The following CCDC178 variants were observed in gnomAD, a reference collection of about 807,000 sequenced individuals.
CCDC178 encodes coiled-coil domain-containing protein 178.
In CCDC178, 126 loss-of-function variants were observed where a neutral mutation model predicts 117.4. The ratio of observed to expected loss-of-function variants is 1.07; its 90% CI spans 0.93 to 1.24. The LOEUF is 1.24. Ranked by LOEUF, CCDC178 falls within the 50% of genes most tolerant of loss-of-function variation. The pLI, the probability that CCDC178 is intolerant of heterozygous loss-of-function variation, is 0.00. For missense variants in CCDC178, 1,030 were observed against 986.9 expected (o/e 1.04, Z -0.59); for synonymous variants, 283 against 313.4 (o/e 0.90, Z 1.02).
intron 14 of CCDC178, among the ~76,000 whole-genome samples, chr18:33,245,946 T>A (rs1438355761): frequency 6.6e-6 from 1 of 151,846 alleles, no homozygotes; most frequent in Non-Finnish European, 1.5e-5. Context: ...AGCAGCACTG[T>A]CTCAGTTGTA....
At chr18:33,063,652 T>C (rs2056967036) in intron 21 of CCDC178, among the ~76,000 whole-genome samples, 1 of 152,126 alleles carries the variant, frequency 6.6e-6, no homozygotes, top group South Asian at 2.1e-4. Flanking sequence ...ACCTCCCACC[T>C]TCTTGACCCT....
At chr18:33,056,868 A>C (rs2056838984) in intron 21 of CCDC178, among the ~76,000 whole-genome samples, 2 of 152,082 alleles carry the variant, frequency 1.3e-5, no homozygotes. Context: ...AGTTTTGCCA[A>C]AAGAGGGTCT....
At chr18:33,286,871 A>T (rs2060104513) in intron 12 of CCDC178, among the ~76,000 whole-genome samples, 1 of 152,198 alleles carries the variant, frequency 6.6e-6, no homozygotes, top group Non-Finnish European at 1.5e-5. Flanking sequence ...AGAAACTAAA[A>T]ATTGCACATC....
At chr18:33,256,804 A>T (rs2059685784) in intron 14 of CCDC178, among the ~76,000 whole-genome samples, 1 of 151,992 alleles carries the variant, frequency 6.6e-6, no homozygotes, top group Non-Finnish European at 1.5e-5. Flanking sequence ...TCTACTATTC[A>T]ATTAATAGAA....
intron 14 of CCDC178, among the ~76,000 whole-genome samples, chr18:33,265,688 G>A (rs1298066464): frequency 6.6e-6 from 1 of 151,980 alleles, no homozygotes; most frequent in Non-Finnish European, 1.5e-5. Context: ...TGCAGGATAT[G>A]TGGTGGGGGG....
At chr18:33,027,030 G>A (rs996118434) in intron 21 of CCDC178, among the ~76,000 whole-genome samples, 1 of 151,810 alleles carries the variant, frequency 6.6e-6, no homozygotes, top group Non-Finnish European at 1.5e-5. Flanking sequence ...AAGGATAACA[G>A]AATCTTGGGG....
intron 5 of CCDC178, among the ~76,000 whole-genome samples, chr18:33,373,734 A>C (rs988192594): frequency 1.3e-5 from 2 of 152,166 alleles, no homozygotes; most frequent in African/African-American, 4.8e-5. Flanking sequence ...GAACAATATT[A>C]AGTGCCTTAA....
intron 20 of CCDC178, among the ~76,000 whole-genome samples, chr18:33,104,396 T>C (rs1373887365): frequency 1.3e-5 from 2 of 151,944 alleles, no homozygotes; most frequent in South Asian, 2.1e-4. Context: ...TGTTTCTCTC[T>C]ATGCCTTCTT....
At chr18:33,310,193 T>C (rs934642776) in intron 11 of CCDC178, among the ~76,000 whole-genome samples, 1 of 152,136 alleles carries the variant, frequency 6.6e-6, no homozygotes, top group Admixed American at 6.5e-5. Flanking sequence ...TCTCCTGACC[T>C]CATGATCCAC....
rs189131170 is a variant in CCDC178, at chr18:33,038,335, G to T, written c.2388+54426C>A. ...AAGCTTGGAGTTAGACTACAAAGCAGATATTATGTCATAAATATTTAAGAC... is the reference window on the plus strand; with the variant it reads ...AAGCTTGGAGTTAGACTACAAAGCATATATTATGTCATAAATATTTAAGAC... On this transcript the variant is annotated intron_variant, in intron 21 of 22. Coordinates refer to ENST00000383096, the MANE Select transcript of CCDC178 (RefSeq NM_001105528.4). Among the ~76,000 whole-genome samples, 54 of 152,042 alleles carry T rather than the reference G, an allele frequency of 3.6e-4. No individual in the cohort carries two copies. The East Asian group carries it at 0.01, about 28-fold the overall frequency.
rs576822229 is a variant in CCDC178, at chr18:33,088,851, T to C, written c.2388+3910A>G. Among the ~76,000 whole-genome samples, 97 of 152,272 alleles carry C rather than the reference T, an allele frequency of 6.4e-4. 1 individual carries two copies. Among genetic ancestry groups the C allele is most frequent in the African/African-American group, 2.3e-3 (94 of 41,568 alleles). ...GTTTATTGGAAAGAACATTTGAACA[T>C]GAGTAAAGAAAACTAAGTTCTAGGA... On this transcript the variant is annotated intron_variant, in intron 21 of 22. Coordinates refer to ENST00000383096, the MANE Select transcript of CCDC178 (RefSeq NM_001105528.4).
intron 15 of CCDC178, among the ~76,000 whole-genome samples, chr18:33,230,684 A>G (rs1308737626): frequency 6.6e-6 from 1 of 152,184 alleles, no homozygotes; most frequent in African/African-American, 2.4e-5. Context: ...TCACATTTAT[A>G]TATAGCATCT....
At chr18:33,320,754 G>A in intron 11 of CCDC178, among the ~76,000 whole-genome samples, 1 of 152,000 alleles carries the variant, frequency 6.6e-6, no homozygotes, top group African/African-American at 2.4e-5. Flanking sequence ...AAGTTCATAT[G>A]GAACCAAAAA....
At chr18:32,940,115 T>A (rs1052182318) in intron 22 of CCDC178, among the ~76,000 whole-genome samples, 1 of 152,048 alleles carries the variant, frequency 6.6e-6, no homozygotes, top group Non-Finnish European at 1.5e-5. Flanking sequence ...TTTTTCATAT[T>A]ATGTTTTTAG....
At chr18:33,292,625 C>T (rs905572011) in intron 12 of CCDC178, among the ~76,000 whole-genome samples, 1 of 151,854 alleles carries the variant, frequency 6.6e-6, no homozygotes, top group Non-Finnish European at 1.5e-5. Context: ...TGAATGTTAC[C>T]CTAATTTGAT....
At chr18:33,341,750 TCCCTGG>T (rs2062819837) in intron 9 of CCDC178, among the ~76,000 whole-genome samples, 1 of 152,206 alleles carries the variant, frequency 6.6e-6, no homozygotes, top group African/African-American at 2.4e-5. Flanking sequence ...TTCTGAGTTC[TCCCTGG>T]CCATGTAGAA....
intron 22 of CCDC178, among the ~76,000 whole-genome samples, chr18:32,971,182 C>T (rs777064415): frequency 6.6e-5 from 10 of 151,720 alleles, no homozygotes; most frequent in Non-Finnish European, 1.2e-4. Flanking sequence ...TTACCCCCCA[C>T]CCCACTACAG....
chr18:33,215,645 T>C lies in CCDC178; in HGVS notation c.1983A>G (p.Thr661=). 1.9e-6 allele frequency: 3 copies of C among 1,538,560 alleles called. No homozygotes were observed. The highest frequency in any genetic ancestry group is 1.3e-5 in the South Asian group (1 of 78,692). The change falls in exon 19 of 23, where the codon ACA becomes ACG. Residue 661 remains threonine (T), a synonymous_variant. Coordinates refer to ENST00000383096, the MANE Select transcript of CCDC178 (RefSeq NM_001105528.4). ...FKDLEATKSK[T]MIFYAKINEL... ...CATTTATTTTTGCATAAAAAATCAT[T>C]GTCTTACTTTTAGTTGCTTCTAGGT...
chr18:33,432,397 G>C (rs1052203101), intron 2 of CCDC178, among the ~76,000 whole-genome samples: 1 of 151,670 alleles, frequency 6.6e-6, no homozygotes, highest in African/African-American at 2.4e-5. Flanking sequence ...TTTTCTAAGC[G>C]AACTGTAAGT....
Sources: gnomAD v4.1 joint callset for allele counts (sites outside exome capture counted in the v4.1 genomes callset) on GRCh38, gnomAD v4.1.1 for gene constraint, MANE v1.5 for transcripts, NCBI Gene and HGNC (gene_info 2026-07-23, HGNC 2026-07-21) for gene names.